The following DDX31 variants were observed in gnomAD, a reference collection of about 807,000 sequenced individuals.
DDX31 encodes DEAD-box helicase 31.
Under a neutral mutation model 91.3 loss-of-function variants are expected in DDX31, and 70 were observed. The observed-to-expected ratio is 0.77, with a 90% CI of 0.63 to 0.94. The LOEUF is 0.94. Among genes scored for constraint, DDX31 ranks in the 40% least tolerant of loss-of-function variants. The pLI is 0.00. For synonymous variants in DDX31, 362 were observed against 350.6 expected (o/e 1.03, Z -0.36); for missense variants, 902 against 925.0 (o/e 0.98, Z 0.32).
rs762549021 is a variant in DDX31 at position 132,659,746 on chromosome 9, C to T, written c.487G>A (p.Gly163Ser). ...QKQSIPVLLE[G>S]RDALVRSQTG... ...TGGGATCTCACGAGAGCATCTCTGC[C>T]TTCCAGCAACACAGGAATACTTTGC... is the stretch of plus-strand genomic sequence containing the variant. The change falls in exon 5 of 20, where the codon GGC (glycine) becomes AGC (serine). Residue 163 changes from glycine (G) to serine (S), a missense_variant. By Grantham distance (56) the Gly-to-Ser change is moderately conservative. Transcript: ENST00000372159. 1 of 1,612,920 alleles carries T rather than the reference C, an allele frequency of 6.2e-7. No homozygotes were observed. The highest frequency in any genetic ancestry group is 8.5e-7 in the Non-Finnish European group (1 of 1,179,462).
intron 8 of DDX31, 129 bp downstream of exon 8, chr9:132,650,946 G>C (rs143385819): frequency 4.3e-6 from 4 of 935,154 alleles, no homozygotes; most frequent in African/African-American, 1.7e-5. Context: ...ACTGCCTAGA[G>C]AGAGCAGAGA....
At position 132,595,248 on chromosome 9, in the gene DDX31, T is replaced by C. The variant is rs1006703388; in HGVS notation, c.1995-136A>G. 2.6e-5 allele frequency: 28 copies of C among 1,068,214 alleles called. No individual in the cohort carries two copies. In the African/African-American group the frequency reaches 4.3e-4, roughly 16 times the overall value. The allele number at this position is 1,068,214 out of a possible 1,614,324, so 66.2% of individuals were successfully genotyped here. A position where few individuals can be genotyped will look rare whatever the true frequency, so the allele number is the denominator to read the frequency against. On this transcript the variant is annotated intron_variant, in intron 19 of 19. Transcript: ENST00000372159. This position sits in a 1 kb window ranked among gnomAD's most constrained non-coding sequence, Gnocchi z 4.6. ...ATTAACAGAAGTACAATCCCTTCAA[T>C]AGTACTTGTTTTGATATTCGATGCA... is the stretch of plus-strand genomic sequence containing the variant.
chr9:132,660,201 G>A (rs574946479), intron 4 of DDX31, among the ~76,000 whole-genome samples: 60 of 152,086 alleles, frequency 3.9e-4, no homozygotes, highest in Non-Finnish European at 7.6e-4. Flanking sequence ...TGGGAGTGAT[G>A]GCACGCACTT....
At chr9:132,614,998 T>C (rs898640294) in intron 18 of DDX31, among the ~76,000 whole-genome samples, 1 of 152,104 alleles carries the variant, frequency 6.6e-6, no homozygotes, top group African/African-American at 2.4e-5. Context: ...CAGGAAGTGC[T>C]CATGTTGGCA....
At chr9:132,603,281 A>G (rs950918828) in intron 19 of DDX31, among the ~76,000 whole-genome samples, 1 of 152,228 alleles carries the variant, frequency 6.6e-6, no homozygotes, top group Admixed American at 6.5e-5. Flanking sequence ...ATTACTCTGC[A>G]TTTTGGACCG....
chr9:132,661,624 T>G (rs1834953749), intron 3 of DDX31, among the ~76,000 whole-genome samples: 1 of 152,068 alleles, frequency 6.6e-6, no homozygotes, highest in Non-Finnish European at 1.5e-5. Flanking sequence ...ACCCCCCAGG[T>G]GAGAAAACAA....
At chr9:132,634,869 A>G (rs1024446415) in intron 14 of DDX31, among the ~76,000 whole-genome samples, 1 of 152,068 alleles carries the variant, frequency 6.6e-6, no homozygotes, top group African/African-American at 2.4e-5. Flanking sequence ...CCACGCCTTA[A>G]GATGCCTCTT....
At chr9:132,650,065 C>T (rs113449856) in intron 9 of DDX31, among the ~76,000 whole-genome samples, 169 bp downstream of exon 9, 2 of 152,226 alleles carry the variant, frequency 1.3e-5, no homozygotes, top group African/African-American at 4.8e-5. Flanking sequence ...AAAAACAGCA[C>T]CGTCTAGAGG....
chr9:132,658,564 TACTC>T (rs1241377719), intron 6 of DDX31, 103 bp downstream of exon 6: 1 of 1,023,036 alleles, frequency 9.8e-7, no homozygotes, highest in African/African-American at 1.6e-5. Flanking sequence ...GTGAAAAAAA[TACTC>T]AGTGAAAACA....
Position 132,662,455 on chromosome 9 carries a change from T to C in DDX31, c.316A>G (p.Ile106Val). ...TSSLFKNNPD[I>V]PELHRPVVKQ... is the part of the protein sequence containing the mutation. ...TGGACATACCTGTGGAGTTCTGGAA[T>C]GTCAGGGTTGTTTTTAAACAGTGAT... The change falls in exon 2 of 20, where the codon ATT becomes GTT. Residue 106 changes from isoleucine to valine, a missense_variant. Physicochemically the swap from Ile to Val is conservative, Grantham distance 29 (BLOSUM62 3). Coordinates refer to ENST00000372159, the MANE Select transcript of DDX31 (RefSeq NM_022779.9). 1 of 1,614,226 alleles carries C rather than the reference T, an allele frequency of 6.2e-7. No homozygotes were observed. Among genetic ancestry groups the C allele is most frequent in the Non-Finnish European group, 8.5e-7 (1 of 1,180,032 alleles).
At chr9:132,642,229 T>C (rs1265538016) in intron 13 of DDX31, among the ~76,000 whole-genome samples, 166 bp from the exon 14 acceptor site, 1 of 152,212 alleles carries the variant, frequency 6.6e-6, no homozygotes, top group Non-Finnish European at 1.5e-5. Context: ...TCTTCTAAGA[T>C]GACCCTGTAC....
At chr9:132,622,111 A>G (rs1832067249) in intron 17 of DDX31, among the ~76,000 whole-genome samples, 1 of 152,200 alleles carries the variant, frequency 6.6e-6, no homozygotes, top group Non-Finnish European at 1.5e-5. Flanking sequence ...CTAAGAATCT[A>G]TGAGGTCTGG....
intron 4 of DDX31, chr9:132,660,968 T>G (rs1452444267): frequency 2.0e-6 from 1 of 504,058 alleles, no homozygotes; most frequent in Admixed American, 3.9e-5. Flanking sequence ...GCAGCCCACC[T>G]TCTGGATGAG....
chr9:132,651,238 A>G, intron 7 of DDX31, 122 bp from the exon 8 acceptor site: 3 of 797,670 alleles, frequency 3.8e-6, no homozygotes, highest in Non-Finnish European at 6.0e-6. Context: ...AAGAAAAAAA[A>G]TCCTATACAC....
chr9:132,597,560 G>C (rs184777055), intron 19 of DDX31, among the ~76,000 whole-genome samples: 1 of 152,308 alleles, frequency 6.6e-6, no homozygotes, highest in African/African-American at 2.4e-5. Context: ...TTCAACGATG[G>C]CTCCTGCTAC....
chr9:132,620,226 T>C (rs1831933957), intron 17 of DDX31, among the ~76,000 whole-genome samples: 2 of 151,892 alleles, frequency 1.3e-5, no homozygotes, highest in Admixed American at 1.3e-4. Flanking sequence ...AGAATTCCAA[T>C]AAAGGCCTCA....
chr9:132,638,476 C>A, intron 14 of DDX31: 1 of 1,436,652 alleles, frequency 7.0e-7, no homozygotes, highest in Non-Finnish European at 9.7e-7. Flanking sequence ...ATGACTCCTT[C>A]TTGCTCATCC....
Position 132,662,686 on chromosome 9 carries a change from C to T in DDX31, c.85G>A (p.Ala29Thr). ...PPAQASRQAK[A>T]TKRKYQASSE... is the part of the protein sequence containing the mutation. ...GACGCTTGGTATTTTCTTTTCGTAG[C>T]CTTTGCTTGCTGCGTTGTTCCCAGA... Residue 29 changes from alanine (A) to threonine (T), a missense_variant, in exon 2 of 20, where the codon GCT becomes ACT. By Grantham distance (58) the Ala-to-Thr change is moderately conservative (BLOSUM62 0). Transcript: ENST00000372159. 6.2e-7 allele frequency: 1 copy of T among 1,614,070 alleles called. No homozygotes were observed. The highest frequency in any genetic ancestry group is 8.5e-7 in the Non-Finnish European group (1 of 1,180,020).
intron 19 of DDX31, among the ~76,000 whole-genome samples, chr9:132,608,459 G>A (rs10901193): frequency 0.14 from 20,722 of 152,000 alleles, 1,596 homozygotes; most frequent in African/African-American, 0.19. Flanking sequence ...TGTAAGAGAC[G>A]AAGGGTCCCT....
Sources: gnomAD v4.1 joint callset for allele counts (sites outside exome capture counted in the v4.1 genomes callset) on GRCh38, gnomAD v4.1.1 for gene constraint, Gnocchi (gnomAD v3.1) non-coding constraint, MANE v1.5 for transcripts, NCBI Gene and HGNC (gene_info 2026-07-23, HGNC 2026-07-21) for gene names.